The following PTPRD variants were observed in gnomAD, a reference collection of about 807,000 sequenced individuals.
PTPRD encodes the protein protein tyrosine phosphatase receptor type D, also known as receptor-type tyrosine-protein phosphatase delta.
In PTPRD, 34 loss-of-function variants were observed where a neutral mutation model predicts 214.5. The ratio of observed to expected loss-of-function variants is 0.16; its 90% confidence interval spans 0.12 to 0.21. PTPRD has a LOEUF of 0.21. Ranked by LOEUF, PTPRD falls within the 10% of genes least tolerant of loss-of-function variation. The probability of loss-of-function intolerance (pLI) is 1.00; values close to 1 mark genes in which losing one functional copy is unlikely to be tolerated. For missense variants in PTPRD, 2,545 were observed against 2,398.7 expected, an observed-to-expected ratio of 1.06 and a Z score of -1.27; for synonymous variants, 1,128 against 845.7, an observed-to-expected ratio of 1.33 and a Z score of -5.79.
intron 9 of PTPRD, among the ~76,000 whole-genome samples, chr9:9,238,393 G>A (rs1228635501): frequency 6.6e-6 from 1 of 151,946 alleles, no homozygotes; most frequent in Non-Finnish European, 1.5e-5. Context: ...AGTAATTATT[G>A]CTGCAGGGGA....
At chr9:10,555,489 G>C (rs2062340427) in intron 2 of PTPRD, among the ~76,000 whole-genome samples, 1 of 152,164 alleles carries the variant, frequency 6.6e-6, no homozygotes, top group Admixed American at 6.5e-5. Context: ...TGAAATCCAA[G>C]CTATTAGGAG....
intron 30 of PTPRD, among the ~76,000 whole-genome samples, chr9:8,474,374 A>G (rs1213277816): frequency 6.6e-6 from 1 of 151,980 alleles, no homozygotes; most frequent in South Asian, 2.1e-4. Context: ...TTCAACCTTC[A>G]TAGGTCGGGC....
chr9:10,179,025 TAA>T (rs1295232290), intron 3 of PTPRD, among the ~76,000 whole-genome samples: 1 of 151,830 alleles, frequency 6.6e-6, no homozygotes, highest in Non-Finnish European at 1.5e-5. Context: ...AACAATCAAA[TAA>T]GAGAGATTAA....
chr9:9,406,897 T>A (rs10739190), intron 8 of PTPRD, among the ~76,000 whole-genome samples: 2 of 149,742 alleles, frequency 1.3e-5, no homozygotes, highest in African/African-American at 2.5e-5. Context: ...CATTTTTTTC[T>A]GATTCTTGTC....
At chr9:10,009,817 G>A (rs866996377) in intron 4 of PTPRD, among the ~76,000 whole-genome samples, 10 of 151,862 alleles carry the variant, frequency 6.6e-5, no homozygotes, top group African/African-American at 9.7e-5. Context: ...TAAAGCTCTC[G>A]TGTAACGCTA....
At chr9:8,668,122 G>T (rs1224876155) in intron 12 of PTPRD, among the ~76,000 whole-genome samples, 1 of 151,950 alleles carries the variant, frequency 6.6e-6, no homozygotes, top group African/African-American at 2.4e-5. Context: ...TATCACCCTG[G>T]AAAGAAATTC....
chr9:10,055,087 T>C (rs997699916), intron 3 of PTPRD, among the ~76,000 whole-genome samples: 3 of 152,144 alleles, frequency 2.0e-5, no homozygotes, highest in Non-Finnish European at 2.9e-5. Flanking sequence ...CCTCTGCAAG[T>C]TGAAGAGGGC....
intron 10 of PTPRD, among the ~76,000 whole-genome samples, chr9:9,137,286 G>C (rs2099852369): frequency 6.6e-6 from 1 of 151,878 alleles, no homozygotes; most frequent in Non-Finnish European, 1.5e-5. Flanking sequence ...ACCTTCCTTG[G>C]GCTATTTTGT....
chr9:9,896,031 A>G (rs1285117942), intron 5 of PTPRD, among the ~76,000 whole-genome samples: 2 of 152,058 alleles, frequency 1.3e-5, no homozygotes, highest in East Asian at 3.9e-4. Context: ...AAACGAGATG[A>G]CTACAAAGCT....
intron 2 of PTPRD, among the ~76,000 whole-genome samples, chr9:10,368,088 T>C (rs919901447): frequency 3.2e-4 from 49 of 152,088 alleles, no homozygotes; most frequent in African/African-American, 1.1e-3. Context: ...CAAGCATAAT[T>C]TGAGTGTAAG....
At chr9:10,082,392 G>C (rs1479281921) in intron 3 of PTPRD, among the ~76,000 whole-genome samples, 3 of 152,204 alleles carry the variant, frequency 2.0e-5, no homozygotes, top group Middle Eastern at 3.4e-3. Flanking sequence ...CTACATAAGA[G>C]TTGCTGCTTT....
chr9:9,605,249 A>C (rs1336138586), intron 7 of PTPRD, among the ~76,000 whole-genome samples: 1 of 152,066 alleles, frequency 6.6e-6, no homozygotes, highest in Non-Finnish European at 1.5e-5. Context: ...AAAACGATTC[A>C]GTGTACCTAA....
chr9:10,294,886 T>A (rs190659555), intron 3 of PTPRD, among the ~76,000 whole-genome samples: 143 of 152,066 alleles, frequency 9.4e-4, no homozygotes, highest in African/African-American at 3.3e-3. Context: ...GGAAAATAGG[T>A]TTTGGAACGC....
At chr9:9,084,108 G>A (rs571280564) in intron 10 of PTPRD, among the ~76,000 whole-genome samples, 3 of 152,190 alleles carry the variant, frequency 2.0e-5, no homozygotes, top group Non-Finnish European at 4.4e-5. Flanking sequence ...GCACATGTAT[G>A]TTTATTGCAG....
At chr9:8,794,728 A>T (rs1031061829) in intron 11 of PTPRD, among the ~76,000 whole-genome samples, 1 of 152,116 alleles carries the variant, frequency 6.6e-6, no homozygotes, top group African/African-American at 2.4e-5. Context: ...AAGAGATTTT[A>T]AGTTCACTGA....
intron 5 of PTPRD, among the ~76,000 whole-genome samples, chr9:9,791,649 G>A (rs993146884): frequency 6.6e-6 from 1 of 152,094 alleles, no homozygotes; most frequent in Non-Finnish European, 1.5e-5. Context: ...CAGGGAGGAA[G>A]AATCCATTTT....
At chr9:8,605,484 G>C (rs2095151199) in intron 14 of PTPRD, among the ~76,000 whole-genome samples, 1 of 152,126 alleles carries the variant, frequency 6.6e-6, no homozygotes, top group Admixed American at 6.5e-5. Context: ...TTTCACAAAA[G>C]AGAAGAGCTT....
chr9:8,787,046 G>C (rs1050891670), intron 11 of PTPRD, among the ~76,000 whole-genome samples: 2 of 152,026 alleles, frequency 1.3e-5, no homozygotes, highest in East Asian at 1.9e-4. Flanking sequence ...ATGTTGCCTA[G>C]TCTGGTCTCG....
intron 5 of PTPRD, among the ~76,000 whole-genome samples, chr9:9,929,948 G>C (rs2085810095): frequency 6.6e-6 from 1 of 152,150 alleles, no homozygotes; most frequent in Non-Finnish European, 1.5e-5. Context: ...GGACACCAGA[G>C]ATAATGGACA....
Sources: gnomAD v4.1 joint callset for allele counts (sites outside exome capture counted in the v4.1 genomes callset) on GRCh38, gnomAD v4.1.1 for gene constraint, MANE v1.5 for transcripts, NCBI Gene and HGNC (gene_info 2026-07-23, HGNC 2026-07-21) for gene names.